USP34: variants seen among roughly 807,000 people sequenced by gnomAD.
USP34 encodes the protein ubiquitin specific peptidase 34, also known as ubiquitin carboxyl-terminal hydrolase 34.
Under a neutral mutation model 460.3 loss-of-function variants are expected in USP34, and 70 were observed. That is an observed-to-expected ratio of 0.15 (90% confidence interval 0.13 to 0.19). The LOEUF is 0.19. USP34 is among the 10% of genes least tolerant of loss of function. The probability of loss-of-function intolerance (pLI) is 1.00; values close to 1 mark genes in which losing one functional copy is unlikely to be tolerated. For missense variants in USP34, 3,985 were observed against 4,236.2 expected (o/e 0.94, Z 1.65); for synonymous variants, 1,647 against 1,405.3 (o/e 1.17, Z -3.85).
rs57947331 is a variant in USP34 at position 61,369,642 on chromosome 2, CAAAAAAA to C, written c.1251+672_1251+678del. Among the ~76,000 whole-genome samples, 325 of 43,480 alleles carry C rather than the reference CAAAAAAA, an allele frequency of 7.5e-3. 1 individual carries two copies. The highest frequency in any genetic ancestry group is 0.027 in the African/African-American group (285 of 10,402). 28.5% of individuals were successfully genotyped at this position (43,480 alleles called of 152,430 possible). On this transcript the variant is annotated intron_variant, in intron 10 of 79. Transcript: ENST00000398571. Reference sequence around the variant, plus strand: ...TGGGCTACAAAGCAAGATTCCGTCTCAAAAAAAAAAAAAAAAAAAAAAAAGACTGAGG... The same window carrying C: ...TGGGCTACAAAGCAAGATTCCGTCTCAAAAAAAAAAAAAAAAAGACTGAGG...
chr2:61,276,740 G>A (rs1185447988), intron 41 of USP34, among the ~76,000 whole-genome samples: 1 of 152,130 alleles, frequency 6.6e-6, no homozygotes, highest in Admixed American at 6.5e-5. Flanking sequence ...CATTTCCAGT[G>A]AGTCTAATGG....
At chr2:61,284,617 G>A (rs561191008) in intron 35 of USP34, among the ~76,000 whole-genome samples, 6 of 152,208 alleles carry the variant, frequency 3.9e-5, no homozygotes, top group African/African-American at 9.6e-5. Context: ...AAGTACTGGT[G>A]AACAGTCATG....
At chr2:61,352,346 C>T (rs13017012) in intron 10 of USP34, among the ~76,000 whole-genome samples, 8,365 of 151,740 alleles carry the variant, frequency 0.055, 302 homozygotes, top group Non-Finnish European at 0.086. Flanking sequence ...AAACTATACA[C>T]TATATGTAAT....
chr2:61,386,715 A>G (rs1693156458), intron 5 of USP34, among the ~76,000 whole-genome samples: 1 of 152,142 alleles, frequency 6.6e-6, no homozygotes, highest in South Asian at 2.1e-4. Flanking sequence ...GCTTGAACCC[A>G]GGAGGTGGAT....
rs756723955 is a variant in USP34, at chr2:61,317,785, G to A, written c.3169-18C>T. On this transcript the variant is annotated intron_variant, in intron 22 of 79. Transcript: ENST00000398571. ...TGGGGCATCTTTGGAAGGGTAGGGGGAAACACAAAGCTAATTTAGTGTGGT... is the reference window on the plus strand; with the variant it reads ...TGGGGCATCTTTGGAAGGGTAGGGGAAAACACAAAGCTAATTTAGTGTGGT... 6 of 1,581,080 alleles carry A rather than the reference G, an allele frequency of 3.8e-6. No homozygotes were observed. Among genetic ancestry groups the A allele is most frequent in the Non-Finnish European group, 5.2e-6 (6 of 1,154,142 alleles).
At chr2:61,336,140 C>T (rs921152) in intron 18 of USP34, among the ~76,000 whole-genome samples, 80,584 of 148,162 alleles carry the variant, frequency 0.54, 21,902 homozygotes, top group South Asian at 0.74. Context: ...TGTGTGTGTC[C>T]GCACAATTTT....
intron 49 of USP34, among the ~76,000 whole-genome samples, chr2:61,246,853 G>C (rs1484411415): frequency 1.3e-5 from 2 of 151,998 alleles, no homozygotes; most frequent in Non-Finnish European, 2.9e-5. Context: ...CTAATCTTTT[G>C]AAATAGGTAA....
chr2:61,406,010 G>A lies in USP34; in HGVS notation c.250C>T (p.His84Tyr). The A allele has an allele frequency of 1.2e-6, 2 of 1,613,602 alleles. No individual in the cohort carries two copies. Among genetic ancestry groups the A allele is most frequent in the East Asian group, 2.2e-5 (1 of 44,814 alleles). ...GAATCTATGTTAATGGTAGTACAAT[G>A]TTTACAAAGCTGGTCCCGGAGCACT... is the stretch of plus-strand genomic sequence containing the variant. ...VQVLRDQLCK[H>Y]CTTINIDSTW... is the part of the protein sequence containing the mutation. Residue 84 changes from histidine (H) to tyrosine (Y), a missense_variant, in exon 3 of 80, where the codon CAT (histidine) becomes TAT (tyrosine). His to Tyr is a moderately conservative substitution (Grantham distance 83). Around this residue, in one of 14 missense-constraint regions of USP34, gnomAD observed 331 missense variants for 293.7 expected, o/e 1.13. Coordinates refer to ENST00000398571, the MANE Select transcript of USP34 (RefSeq NM_014709.4).
At chr2:61,449,266 A>G (rs1695203930) in intron 1 of USP34, among the ~76,000 whole-genome samples, 1 of 152,086 alleles carries the variant, frequency 6.6e-6, no homozygotes, top group African/African-American at 2.4e-5. Flanking sequence ...AAAAAAAAAA[A>G]AAAAGTAGGA....
At chr2:61,417,782 C>A (rs1394228320) in intron 2 of USP34, among the ~76,000 whole-genome samples, 12 of 146,494 alleles carry the variant, frequency 8.2e-5, no homozygotes, top group Non-Finnish European at 1.5e-4. Flanking sequence ...TTGCTCTATC[C>A]CCAGGCTGGA....
intron 33 of USP34, among the ~76,000 whole-genome samples, chr2:61,291,633 TATGA>T (rs1402935076): frequency 6.6e-6 from 1 of 152,204 alleles, no homozygotes; most frequent in East Asian, 1.9e-4. Flanking sequence ...CATACATGCT[TATGA>T]ATGGTCAACA....
Position 61,348,198 on chromosome 2 carries a change from T to C in USP34, c.1957A>G (p.Ile653Val), listed in dbSNP as rs781723283. The change falls in exon 15 of 80, where the codon ATT becomes GTT. Residue 653 changes from isoleucine (I) to valine (V), a missense_variant. Physicochemically the swap from Ile to Val is conservative, Grantham distance 29. This residue lies in a region of USP34 where 716 missense variants were observed against 626.2 expected (regional missense o/e 1.14). Transcript: ENST00000398571. ...ATGCCTTGGGAGTCCCCCAGGCAAA[T>C]GCCTGCTTGACTCTCTAACTTTCTA... is the stretch of plus-strand genomic sequence containing the variant. ...RNRKLESQAG[I>V]CLGDSQGMSE... is the part of the protein sequence containing the mutation. 11 of 1,614,100 alleles carry C rather than the reference T, an allele frequency of 6.8e-6. No homozygotes were observed. The East Asian group carries it at 2.4e-4, about 36-fold the overall frequency.
At chr2:61,450,427 C>G (rs1229435888) in intron 1 of USP34, among the ~76,000 whole-genome samples, 1 of 152,046 alleles carries the variant, frequency 6.6e-6, no homozygotes, top group Non-Finnish European at 1.5e-5. Flanking sequence ...TAGATTGGTA[C>G]AAAAGTAATT....
chr2:61,458,991 G>A (rs1035321213), intron 1 of USP34, among the ~76,000 whole-genome samples: 6 of 152,114 alleles, frequency 3.9e-5, no homozygotes, highest in East Asian at 1.9e-4. Context: ...GCTTGAACCC[G>A]GGAGGTGGAA....
Position 61,470,751 on chromosome 2 carries a change from GC to G in USP34, c.-60del. The G allele has an allele frequency of 6.8e-7, 1 of 1,480,904 alleles. No individual in the cohort carries two copies. The allele number at this position is 1,480,904 out of a possible 1,614,324, so 91.7% of individuals were successfully genotyped here. A position where few individuals can be genotyped will look rare whatever the true frequency, so the allele number is the denominator to read the frequency against. Reference sequence around the variant, plus strand: ...GGATCACACTGACTGATCCCGACCGGCGGGGGGGAGGGGAGAGAGGCGGAGG... The same window carrying G: ...GGATCACACTGACTGATCCCGACCGGGGGGGGGAGGGGAGAGAGGCGGAGG... On this transcript the variant is annotated 5_prime_UTR_variant, in exon 1 of 80. Transcript: ENST00000398571.
intron 3 of USP34, among the ~76,000 whole-genome samples, chr2:61,399,311 C>G (rs534806671): frequency 4.2e-4 from 64 of 151,078 alleles, no homozygotes; most frequent in African/African-American, 1.4e-3. Context: ...CCACCGCACT[C>G]CAGCCTGGGC....
intron 31 of USP34, 33 bp downstream of exon 31, chr2:61,295,135 A>C (rs771392226): frequency 1.3e-6 from 2 of 1,599,916 alleles, no homozygotes; most frequent in East Asian, 4.5e-5. Context: ...AGAGAATACA[A>C]ACATTTAATG....
chr2:61,291,576 G>C (rs1251690439), intron 33 of USP34, among the ~76,000 whole-genome samples: 12 of 152,140 alleles, frequency 7.9e-5, no homozygotes, highest in Admixed American at 4.6e-4. Context: ...ATTTATGAAT[G>C]AATGTGTTTG....
Position 61,211,948 on chromosome 2 carries a change from C to G in USP34, c.8683-19G>C, listed in dbSNP as rs760517983. On this transcript the variant is annotated intron_variant, in intron 68 of 79. Transcript: ENST00000398571. Reference sequence around the variant, plus strand: ...CTACTGCCTAAAAAAGCCAAATAAGCCATATGATCTTTTAACCCTATAGCA... The same window carrying G: ...CTACTGCCTAAAAAAGCCAAATAAGGCATATGATCTTTTAACCCTATAGCA... The G allele has an allele frequency of 1.9e-6, 3 of 1,591,818 alleles. No individual in the cohort carries two copies. The East Asian group carries it at 6.9e-5, about 37-fold the overall frequency.
Sources: gnomAD v4.1 joint callset for allele counts (sites outside exome capture counted in the v4.1 genomes callset) on GRCh38, gnomAD v4.1.1 for gene constraint, gnomAD v4.1.1 regional missense constraint, MANE v1.5 for transcripts, NCBI Gene and HGNC (gene_info 2026-07-23, HGNC 2026-07-21) for gene names.